The following NPAS3 variants were observed in gnomAD, a reference collection of about 807,000 sequenced individuals.
NPAS3 encodes the protein neuronal PAS domain protein 3.
A neutral mutation model predicts 73.1 loss-of-function variants in NPAS3; 14 were observed. The ratio of observed to expected loss-of-function variants is 0.19; its 90% CI spans 0.13 to 0.30. The LOEUF is 0.30. NPAS3 is among the 10% of genes least tolerant of loss of function. The pLI is 1.00. For synonymous variants in NPAS3, 620 were observed against 541.5 expected, an observed-to-expected ratio of 1.14 and a Z score of -2.01; for missense variants, 1,096 against 1,250.0, an observed-to-expected ratio of 0.88 and a Z score of 1.86.
intron 2 of NPAS3, among the ~76,000 whole-genome samples, chr14:33,152,259 T>C (rs2044475254): frequency 6.6e-6 from 1 of 152,146 alleles, no homozygotes; most frequent in Non-Finnish European, 1.5e-5. Context: ...TTCCAAGGTG[T>C]TGATTTCAAT....
intron 2 of NPAS3, among the ~76,000 whole-genome samples, chr14:33,189,136 G>A (rs1012645778): frequency 4.6e-5 from 7 of 152,142 alleles, no homozygotes; most frequent in Non-Finnish European, 1.0e-4. Flanking sequence ...TTATGCCAAG[G>A]AGAATGTTAG....
chr14:33,666,138 GATCT>G lies in NPAS3; in HGVS notation c.559-10064_559-10061del, dbSNP rs1285718643. 7.2e-5 allele frequency among the ~76,000 whole-genome samples: 11 copies of G among 152,262 alleles called. No homozygotes were observed. In the South Asian group the frequency reaches 2.1e-3, roughly 29 times the overall value. Reference sequence around the variant, plus strand: ...AAAACGGTTAATGAACGCTGGCATGGATCTATCTATCTCTTTAGGGCCTAAATCA... The same window carrying G: ...AAAACGGTTAATGAACGCTGGCATGGATCTATCTCTTTAGGGCCTAAATCA... On this transcript the variant is annotated intron_variant, in intron 5 of 11. Transcript: ENST00000356141.
At chr14:33,003,075 T>C (rs2139582623) in intron 1 of NPAS3, among the ~76,000 whole-genome samples, 1 of 152,172 alleles carries the variant, frequency 6.6e-6, no homozygotes, top group African/African-American at 2.4e-5. Flanking sequence ...TGTTTCTTTT[T>C]TTTTTTTCGC....
intron 2 of NPAS3, among the ~76,000 whole-genome samples, chr14:33,178,530 A>G (rs973630994): frequency 2.6e-5 from 4 of 152,154 alleles, no homozygotes; most frequent in Admixed American, 6.5e-5. Context: ...ATAGTTTTCA[A>G]TGTACAAGTA....
intron 3 of NPAS3, among the ~76,000 whole-genome samples, chr14:33,219,910 G>C (rs1047918330): frequency 6.6e-6 from 1 of 152,122 alleles, no homozygotes; most frequent in Non-Finnish European, 1.5e-5. Flanking sequence ...GCAGTTCAGG[G>C]ATTTTCCTGT....
At chr14:32,942,966 A>G (rs1319425735) in intron 1 of NPAS3, among the ~76,000 whole-genome samples, 1 of 152,188 alleles carries the variant, frequency 6.6e-6, no homozygotes, top group African/African-American at 2.4e-5. Context: ...ACCAGAGAGG[A>G]TATTAGATCG....
intron 2 of NPAS3, among the ~76,000 whole-genome samples, chr14:33,125,526 A>G (rs1384629977): frequency 6.6e-6 from 1 of 152,146 alleles, no homozygotes; most frequent in Admixed American, 6.5e-5. Flanking sequence ...GAGCAAAGGC[A>G]GAGTATTTGC....
chr14:33,148,351 T>C (rs1427609582), intron 2 of NPAS3, among the ~76,000 whole-genome samples: 2 of 152,194 alleles, frequency 1.3e-5, no homozygotes, highest in African/African-American at 2.4e-5. Context: ...ATTATATATT[T>C]ATTATAAGCC....
intron 3 of NPAS3, among the ~76,000 whole-genome samples, chr14:33,350,750 T>C (rs1315128599): frequency 6.6e-6 from 1 of 152,236 alleles, no homozygotes; most frequent in Non-Finnish European, 1.5e-5. Flanking sequence ...TTGCGGCTAA[T>C]AAAATTTCAG....
intron 4 of NPAS3, among the ~76,000 whole-genome samples, chr14:33,461,450 T>C (rs926997684): frequency 1.3e-5 from 2 of 152,226 alleles, no homozygotes; most frequent in Non-Finnish European, 1.5e-5. Flanking sequence ...TATTGTCAGA[T>C]AATAATAGCT....
At chr14:33,142,187 T>C (rs1385657738) in intron 2 of NPAS3, among the ~76,000 whole-genome samples, 1 of 122,980 alleles carries the variant, frequency 8.1e-6, no homozygotes, top group Non-Finnish European at 1.7e-5. Flanking sequence ...TTAATTTGTA[T>C]AAGCTTTTTT....
chr14:33,732,809 G>A (rs1595520439), intron 6 of NPAS3, among the ~76,000 whole-genome samples: 1 of 152,156 alleles, frequency 6.6e-6, no homozygotes, highest in African/African-American at 2.4e-5. Flanking sequence ...CATGTGGTAC[G>A]GTGCCATACT....
Position 33,787,036 on chromosome 14 carries a change from A to G in NPAS3, c.1154-6861A>G, listed in dbSNP as rs571691241. ...GAGGAGTTCACCGCTTCTCATTTAT[A>G]TAACAAATTCCCCCCCCAAAAGAGA... is the stretch of plus-strand genomic sequence containing the variant. On this transcript the variant is annotated intron_variant, in intron 9 of 11. Transcript: ENST00000356141. 7.2e-5 allele frequency among the ~76,000 whole-genome samples: 10 copies of G among 138,932 alleles called. No homozygotes were observed. The East Asian group carries it at 1.9e-3, about 27-fold the overall frequency. 91.1% of individuals were successfully genotyped at this position (138,932 alleles called of 152,430 possible).
chr14:32,938,524 AAG>A (rs2035799403), upstream of NPAS3, among the ~76,000 whole-genome samples: 26 of 97,434 alleles, frequency 2.7e-4, 1 homozygote, highest in African/African-American at 4.1e-4. Context: ...AGAGAGAGAG[AAG>A]GGGGGGGAGG....
intron 1 of NPAS3, among the ~76,000 whole-genome samples, chr14:32,994,465 AT>A (rs887534972): frequency 1.7e-4 from 26 of 151,434 alleles, no homozygotes; most frequent in Non-Finnish European, 3.2e-4. Flanking sequence ...AGAGCCCCAA[AT>A]TTTTTTTTCA....
chr14:32,971,898 A>T (rs899701174), intron 1 of NPAS3, among the ~76,000 whole-genome samples: 4 of 145,580 alleles, frequency 2.7e-5, no homozygotes, highest in Admixed American at 1.4e-4. Context: ...GTCATTCTTT[A>T]TTGAGAAGTG....
At chr14:33,032,328 T>G (rs886696758) in intron 1 of NPAS3, among the ~76,000 whole-genome samples, 8 of 152,032 alleles carry the variant, frequency 5.3e-5, no homozygotes, top group African/African-American at 1.7e-4. Context: ...ATAGGAGAGA[T>G]AGAAATGGAG....
rs12323701 is a variant in NPAS3 at position 33,226,554 on chromosome 14, A to G, written c.385+11128A>G. On this transcript the variant is annotated intron_variant, in intron 3 of 11. Coordinates refer to ENST00000356141, the Ensembl canonical transcript of NPAS3. ...CAAAACCAATGTCTATATAAAATGAATAAATGTGGCTAAATTATATAACAT... is the reference window on the plus strand; with the variant it reads ...CAAAACCAATGTCTATATAAAATGAGTAAATGTGGCTAAATTATATAACAT... Among the ~76,000 whole-genome samples, 1,064 of 152,320 alleles carry G rather than the reference A, an allele frequency of 7.0e-3. 13 individuals carry two copies. Among genetic ancestry groups the G allele is most frequent in the African/African-American group, 0.024 (1,016 of 41,572 alleles).
chr14:33,244,758 C>A (rs1191977198), intron 3 of NPAS3, among the ~76,000 whole-genome samples: 1 of 152,084 alleles, frequency 6.6e-6, no homozygotes, highest in Non-Finnish European at 1.5e-5. Context: ...CTTGCCCAAC[C>A]TGGAATGCCA....
Sources: gnomAD v4.1 joint callset for allele counts (sites outside exome capture counted in the v4.1 genomes callset) on GRCh38, gnomAD v4.1.1 for gene constraint, MANE v1.5 for transcripts, NCBI Gene and HGNC (gene_info 2026-07-23, HGNC 2026-07-21) for gene names.